Variants in PRKG1 observed in about 807,000 individuals in gnomAD.
The protein encoded by PRKG1 is protein kinase cGMP-dependent 1, also known as cGMP-dependent protein kinase 1.
In PRKG1, 35 loss-of-function variants were observed where a neutral mutation model predicts 88.1. That is an observed-to-expected ratio of 0.40 (90% CI 0.30 to 0.53). The LOEUF (loss-of-function observed/expected upper bound fraction) is 0.53, where lower values mean the gene tolerates loss of function less well. PRKG1 is among the 20% of genes least tolerant of loss of function. The pLI is 0.59. For synonymous variants in PRKG1, 303 were observed against 292.5 expected (o/e 1.04, Z -0.37); for missense variants, 540 against 839.8 (o/e 0.64, Z 4.41).
chr10:51,974,006 A>G (rs1843769649), intron 5 of PRKG1, among the ~76,000 whole-genome samples: 1 of 152,158 alleles, frequency 6.6e-6, no homozygotes, highest in Non-Finnish European at 1.5e-5. Flanking sequence ...TTTGGAATGC[A>G]GTTACATTCA....
intron 6 of PRKG1, among the ~76,000 whole-genome samples, chr10:52,058,126 T>C (rs541649232): frequency 7.2e-5 from 11 of 152,028 alleles, no homozygotes; most frequent in Non-Finnish European, 1.6e-4. Context: ...CATTTTTCTT[T>C]ATTAATGGAA....
chr10:51,978,235 G>C (rs1359565666), intron 5 of PRKG1, among the ~76,000 whole-genome samples: 1 of 151,962 alleles, frequency 6.6e-6, no homozygotes, highest in Non-Finnish European at 1.5e-5. Flanking sequence ...CCCATTGCTT[G>C]TTTTTGTCAG....
intron 9 of PRKG1, among the ~76,000 whole-genome samples, chr10:52,165,721 T>TTGGGTAAGAAGCGAAAAAAAGTA (rs1301043198): frequency 6.6e-6 from 1 of 152,142 alleles, no homozygotes; most frequent in Non-Finnish European, 1.5e-5. Flanking sequence ...CTATGCCTAT[T>TTGGGTAAGAAGCGAAAAAAAGTA]TGGGTAAGAA....
intron 1 of PRKG1, among the ~76,000 whole-genome samples, chr10:51,149,994 T>C (rs1220586638): frequency 6.6e-6 from 1 of 152,102 alleles, no homozygotes; most frequent in African/African-American, 2.4e-5. Context: ...AAGTCGCTTT[T>C]ATGGGTGTTT....
chr10:51,837,002 T>A (rs1840149370), intron 4 of PRKG1, among the ~76,000 whole-genome samples: 1 of 152,138 alleles, frequency 6.6e-6, no homozygotes, highest in Non-Finnish European at 1.5e-5. Context: ...TGAGTATACT[T>A]GGGAAATGAC....
intron 7 of PRKG1, among the ~76,000 whole-genome samples, chr10:52,095,365 C>T (rs1182966904): frequency 6.6e-6 from 1 of 152,176 alleles, no homozygotes; most frequent in Non-Finnish European, 1.5e-5. Context: ...GTGCCCTTAT[C>T]CCTAATTATT....
At chr10:51,221,920 G>C (rs868442042) in intron 2 of PRKG1, among the ~76,000 whole-genome samples, 1 of 147,364 alleles carries the variant, frequency 6.8e-6, no homozygotes, top group African/African-American at 2.5e-5. Context: ...CGTCGCCCAG[G>C]CTGGAGTACA....
At chr10:51,974,795 C>T (rs1187507964) in intron 5 of PRKG1, among the ~76,000 whole-genome samples, 3 of 152,032 alleles carry the variant, frequency 2.0e-5, no homozygotes, top group Admixed American at 6.6e-5. Context: ...TAACATTCTG[C>T]CTTTTTAATA....
intron 2 of PRKG1, among the ~76,000 whole-genome samples, chr10:51,348,894 T>C (rs1588869094): frequency 6.6e-6 from 1 of 152,142 alleles, no homozygotes; most frequent in South Asian, 2.1e-4. Flanking sequence ...TTTTTCCCTA[T>C]GTGATACCAT....
At chr10:51,792,241 T>A (rs926125715) in intron 3 of PRKG1, among the ~76,000 whole-genome samples, 2 of 152,166 alleles carry the variant, frequency 1.3e-5, no homozygotes, top group Non-Finnish European at 2.9e-5. Context: ...ATCTGTGGGC[T>A]TCTTGACTCC....
chr10:51,999,110 T>A (rs1003327865), intron 5 of PRKG1, among the ~76,000 whole-genome samples: 5 of 152,212 alleles, frequency 3.3e-5, no homozygotes, highest in African/African-American at 1.2e-4. Context: ...AATCTAACTA[T>A]AACCAAAAGC....
At chr10:51,834,846 T>C (rs7914855) in intron 4 of PRKG1, among the ~76,000 whole-genome samples, 1,926 of 152,100 alleles carry the variant, frequency 0.013, 53 homozygotes, top group African/African-American at 0.044. Flanking sequence ...GGTCATCACA[T>C]TGCATGGGGC....
chr10:51,546,519 A>G (rs1842448511), intron 3 of PRKG1, among the ~76,000 whole-genome samples: 1 of 152,038 alleles, frequency 6.6e-6, no homozygotes, highest in South Asian at 2.1e-4. Flanking sequence ...ATTGGTCTTT[A>G]TTTAAACTGA....
chr10:51,094,420 G>T (rs1844478839), intron 1 of PRKG1, among the ~76,000 whole-genome samples: 1 of 151,884 alleles, frequency 6.6e-6, no homozygotes, highest in African/African-American at 2.4e-5. Flanking sequence ...GTCGTGTTTG[G>T]TTTTGAGCTA....
At chr10:51,275,686 G>T (rs1013101136) in intron 2 of PRKG1, among the ~76,000 whole-genome samples, 2 of 152,062 alleles carry the variant, frequency 1.3e-5, no homozygotes, top group African/African-American at 4.8e-5. Context: ...CAAGAAAAAG[G>T]TACATTCCCT....
At chr10:51,701,796 T>A (rs560217452) in intron 3 of PRKG1, among the ~76,000 whole-genome samples, 2 of 152,216 alleles carry the variant, frequency 1.3e-5, no homozygotes, top group Non-Finnish European at 2.9e-5. Flanking sequence ...CGTAGAAGAT[T>A]GCACATCTTG....
intron 5 of PRKG1, among the ~76,000 whole-genome samples, chr10:52,054,112 C>G (rs563223154): frequency 6.6e-6 from 1 of 151,928 alleles, no homozygotes; most frequent in African/African-American, 2.4e-5. Flanking sequence ...ATCAAACAAT[C>G]GAAATGAATG....
intron 5 of PRKG1, among the ~76,000 whole-genome samples, chr10:52,038,611 G>A (rs973475476): frequency 1.3e-5 from 2 of 152,040 alleles, no homozygotes; most frequent in African/African-American, 4.8e-5. Context: ...AGAAGGGGTA[G>A]AGACAAGGAG....
intron 3 of PRKG1, among the ~76,000 whole-genome samples, chr10:51,481,063 T>C (rs529773676): frequency 6.6e-6 from 1 of 152,256 alleles, no homozygotes; most frequent in Admixed American, 6.5e-5. Context: ...ACAGTAGAAT[T>C]AATCTATCTT....
Sources: allele counts gnomAD v4.1 joint callset (sites outside exome capture counted in the v4.1 genomes callset), GRCh38; gene constraint gnomAD v4.1.1; transcripts MANE v1.5; gene names NCBI Gene and HGNC (gene_info 2026-07-23, HGNC 2026-07-21).